Variants in SPATA13 observed in about 807,000 individuals in gnomAD.
The protein encoded by SPATA13 is spermatogenesis associated 13.
SPATA13 carries 50 observed loss-of-function variants against 104.0 expected under a neutral mutation model. The observed-to-expected ratio is 0.48, with a 90% CI of 0.38 to 0.61. SPATA13 has a LOEUF of 0.61. Ranked by LOEUF, SPATA13 falls within the 20% of genes least tolerant of loss-of-function variation. The pLI is 0.00. For missense variants in SPATA13, 1,524 were observed against 1,690.6 expected (o/e 0.90, Z 1.73); for synonymous variants, 606 against 667.5 (o/e 0.91, Z 1.42).
chr13:24,226,149 G>A (rs757785111), intron 2 of SPATA13, among the ~76,000 whole-genome samples: 9 of 152,176 alleles, frequency 5.9e-5, no homozygotes, highest in Admixed American at 4.6e-4. Flanking sequence ...TTGATTGGTT[G>A]AAAGGCATCA....
intron 3 of SPATA13, among the ~76,000 whole-genome samples, chr13:24,139,698 T>G (rs774211271): frequency 1.3e-5 from 2 of 152,210 alleles, no homozygotes; most frequent in Non-Finnish European, 2.9e-5. Flanking sequence ...CTGGGTTTAT[T>G]TCTCGCCATG....
At position 24,224,117 on chromosome 13, in the gene SPATA13, C is replaced by T; in HGVS notation, c.1188C>T (p.Ala396=). The T allele has an allele frequency of 6.4e-7, 1 of 1,551,638 alleles. No homozygotes were observed. Among genetic ancestry groups the T allele is most frequent in the East Asian group, 2.4e-5 (1 of 40,908 alleles). The change falls in exon 2 of 13, where the codon GCC becomes GCT. Residue 396 remains alanine (A), a synonymous_variant. Coordinates refer to ENST00000382108, the MANE Select transcript of SPATA13 (RefSeq NM_001166271.3). ...TCTVAPGFGS[A]TSKGPHLDAD... is the part of the protein sequence containing the mutation. Reference sequence around the variant, plus strand: ...CCGTGGCCCCCGGTTTCGGCTCAGCCACCTCTAAGGGGCCCCACCTAGACG... The same window carrying T: ...CCGTGGCCCCCGGTTTCGGCTCAGCTACCTCTAAGGGGCCCCACCTAGACG...
intron 3 of SPATA13, among the ~76,000 whole-genome samples, chr13:24,153,661 CA>C (rs1448000396): frequency 6.6e-6 from 1 of 152,196 alleles, no homozygotes; most frequent in Non-Finnish European, 1.5e-5. Context: ...ATGTCAATTG[CA>C]ATTCCATTTA....
Position 24,223,504 on chromosome 13 carries a change from C to T in SPATA13, c.575C>T (p.Ala192Val), listed in dbSNP as rs769334771. ...TCCGACCTCGAGGACACGGACGATG[C>T]CTTCCAGCGGAGCACACACCGCTCC... ...DGSDLEDTDD[A>V]FQRSTHRSRS... The change falls in exon 2 of 13, where the codon GCC becomes GTC. Residue 192 changes from alanine (A) to valine (V), a missense_variant. Physicochemically the swap from Ala to Val is moderately conservative, Grantham distance 64. Coordinates refer to ENST00000382108, the MANE Select transcript of SPATA13 (RefSeq NM_001166271.3). 4.5e-6 allele frequency: 7 copies of T among 1,548,330 alleles called. No individual in the cohort carries two copies. The highest frequency in any genetic ancestry group is 2.0e-5 in the Admixed American group (1 of 51,012).
At chr13:24,247,792 C>T (rs973882636) in intron 2 of SPATA13, among the ~76,000 whole-genome samples, 2 of 152,142 alleles carry the variant, frequency 1.3e-5, no homozygotes, top group African/African-American at 4.8e-5. Flanking sequence ...TCTGCATCCA[C>T]TTCTTCATGG....
chr13:24,092,026 C>T (rs1436795703), intron 3 of SPATA13, among the ~76,000 whole-genome samples: 2 of 152,184 alleles, frequency 1.3e-5, no homozygotes, highest in Non-Finnish European at 2.9e-5. Flanking sequence ...GACGGTTAGT[C>T]ATAGTCTTTG....
At chr13:24,230,369 G>A (rs1338750960) in intron 2 of SPATA13, among the ~76,000 whole-genome samples, 1 of 152,174 alleles carries the variant, frequency 6.6e-6, no homozygotes, top group African/African-American at 2.4e-5. Flanking sequence ...TGCAGTAAGT[G>A]CCGCAGGAGC....
intron 4 of SPATA13, among the ~76,000 whole-genome samples, chr13:24,267,295 G>T (rs1386661671): frequency 6.6e-6 from 1 of 152,168 alleles, no homozygotes; most frequent in Non-Finnish European, 1.5e-5. Context: ...GGACATAAAG[G>T]GGTTGTTGGG....
intron 3 of SPATA13, among the ~76,000 whole-genome samples, chr13:24,033,096 C>CTAAG (rs2137718232): frequency 6.6e-6 from 1 of 152,314 alleles, no homozygotes; most frequent in South Asian, 2.1e-4. Flanking sequence ...GAGGCCTGCA[C>CTAAG]TAAGTCCTTT....
intron 3 of SPATA13, among the ~76,000 whole-genome samples, chr13:24,095,681 G>A (rs1335299120): frequency 1.3e-5 from 2 of 152,214 alleles, no homozygotes; most frequent in African/African-American, 4.8e-5. Context: ...TCTCTTCTAT[G>A]TGGATGCAAA....
chr13:24,113,218 CATCAGTT>C (rs1194685076), intron 3 of SPATA13, among the ~76,000 whole-genome samples: 1 of 152,224 alleles, frequency 6.6e-6, no homozygotes, highest in Non-Finnish European at 1.5e-5. Flanking sequence ...CATATTTTTA[CATCAGTT>C]ATTTAATATC....
intron 2 of SPATA13, among the ~76,000 whole-genome samples, chr13:24,230,190 A>C (rs908666205): frequency 6.6e-6 from 1 of 152,180 alleles, no homozygotes; most frequent in Non-Finnish European, 1.5e-5. Flanking sequence ...GCAGAAGTCA[A>C]ACAGTGCATA....
At chr13:24,084,451 A>G (rs9511038) in intron 3 of SPATA13, among the ~76,000 whole-genome samples, 150,602 of 152,316 alleles carry the variant, frequency 0.99, 74,485 homozygotes, top group Middle Eastern at 1. Context: ...GGTACACAGG[A>G]CACTTTTTGC....
intron 4 of SPATA13, among the ~76,000 whole-genome samples, chr13:24,263,056 C>T (rs1350648134): frequency 2.0e-5 from 3 of 152,014 alleles, no homozygotes; most frequent in South Asian, 4.1e-4. Context: ...CCCAGAGACT[C>T]CACTGAATTT....
rs771553466 is a variant in SPATA13 at position 24,117,162 on chromosome 13, A to T, written c.-112+99461A>T. ...TACATTTATAAAAACAAAACAAGAG[A>T]TTTGCTGCTCTATAACAACTGTACC... On this transcript the variant is annotated intron_variant, in intron 3 of 14. Transcript: ENST00000424834. Among the ~76,000 whole-genome samples, 145 of 152,316 alleles carry T rather than the reference A, an allele frequency of 9.5e-4. 1 individual carries two copies. Among genetic ancestry groups the T allele is most frequent in the Non-Finnish European group, 1.4e-3 (95 of 68,022 alleles).
intron 4 of SPATA13, among the ~76,000 whole-genome samples, chr13:24,259,877 C>G (rs1475456961): frequency 6.6e-6 from 1 of 152,184 alleles, no homozygotes; most frequent in Non-Finnish European, 1.5e-5. Flanking sequence ...TCTCAAACTC[C>G]TGGCCTCCCA....
intron 3 of SPATA13, among the ~76,000 whole-genome samples, chr13:24,053,080 T>C (rs1878418235): frequency 6.6e-6 from 1 of 151,978 alleles, no homozygotes; most frequent in East Asian, 1.9e-4. Flanking sequence ...TTCAATTTTC[T>C]GAGACCTATC....
In SPATA13 at chr13:24,299,725, C is replaced by T. The variant is rs532905074; in HGVS notation, c.3584-676C>T. Among the ~76,000 whole-genome samples the T allele has an allele frequency of 9.2e-5, 14 of 152,294 alleles. No individual in the cohort carries two copies. The South Asian group carries it at 2.3e-3, about 25-fold the overall frequency. On this transcript the variant is annotated intron_variant, in intron 11 of 12. Transcript: ENST00000382108. ...ACCTGCCTACAGGAGGAAGGCTTCC[C>T]GCGGGAGAAGGCAGGGCCCCAGCAC...
At chr13:24,272,038 A>G (rs1413262639) in intron 4 of SPATA13, among the ~76,000 whole-genome samples, 1 of 152,256 alleles carries the variant, frequency 6.6e-6, no homozygotes, top group African/African-American at 2.4e-5. Context: ...GGGCTCGGTA[A>G]TGCTAGCGAG....
Sources: gnomAD v4.1 joint callset for allele counts (sites outside exome capture counted in the v4.1 genomes callset) on GRCh38, gnomAD v4.1.1 for gene constraint, MANE v1.5 for transcripts, NCBI Gene and HGNC (gene_info 2026-07-23, HGNC 2026-07-21) for gene names.